Variants in VANGL2 observed in about 807,000 individuals in gnomAD.
VANGL2 encodes the protein VANGL planar cell polarity protein 2.
A neutral mutation model predicts 50.2 loss-of-function variants in VANGL2; 14 were observed. The observed-to-expected ratio is 0.28, with a 90% confidence interval of 0.18 to 0.44. VANGL2 has a LOEUF of 0.44. Among genes scored for constraint, VANGL2 ranks in the 20% least tolerant of loss-of-function variants. VANGL2 has a pLI of 1.00. For missense variants in VANGL2, 533 were observed against 701.5 expected (o/e 0.76, Z 2.71); for synonymous variants, 295 against 297.2 (o/e 0.99, Z 0.08).
chr1:160,424,009 A>T, intron 6 of VANGL2, 43 bp from the exon 7 acceptor site: 1 of 1,608,072 alleles, frequency 6.2e-7, no homozygotes, highest in Non-Finnish European at 8.5e-7. Flanking sequence ...GGGGTGGGGG[A>T]AAGAGAGGTG....
In VANGL2 at chr1:160,416,277, T is replaced by A. The variant is rs1182678590; in HGVS notation, c.192+95T>A. 2.5e-6 allele frequency: 4 copies of A among 1,600,342 alleles called. No individual in the cohort carries two copies. The Admixed American group carries it at 6.7e-5, about 27-fold the overall frequency. The stretch of plus-strand genomic sequence containing the variant: ...CGGAGTGGGGGAGGGCTTGGAAACC[T>A]GGTCTCAGACAGCCATCAGATCGGG... On this transcript the variant is annotated intron_variant, in intron 3 of 7. Coordinates refer to ENST00000368061, the MANE Select transcript of VANGL2 (RefSeq NM_020335.3).
At chr1:160,422,802 TTGAG>T (rs1385186141) in intron 6 of VANGL2, among the ~76,000 whole-genome samples, 1 of 152,198 alleles carries the variant, frequency 6.6e-6, no homozygotes, top group Non-Finnish European at 1.5e-5. Context: ...AGGCATCCTG[TTGAG>T]TGTGTTTGAC....
At chr1:160,421,240 G>A (rs1651264236) in intron 6 of VANGL2, 53 bp downstream of exon 6, 1 of 1,606,278 alleles carries the variant, frequency 6.2e-7, no homozygotes, top group South Asian at 1.1e-5. Context: ...TGAATGGGGA[G>A]AGGAAGACCA....
At chr1:160,410,017 T>C (rs967996245) in intron 1 of VANGL2, among the ~76,000 whole-genome samples, 2 of 152,076 alleles carry the variant, frequency 1.3e-5, no homozygotes, top group African/African-American at 2.4e-5. Context: ...GGCTCCTGAG[T>C]AGGAATCGGA....
chr1:160,413,288 T>TG (rs1182894147), intron 1 of VANGL2, among the ~76,000 whole-genome samples: 1 of 151,874 alleles, frequency 6.6e-6, no homozygotes, highest in Non-Finnish European at 1.5e-5. Context: ...TTTTAGGTTT[T>TG]TTTTTTTTTT....
At chr1:160,406,993 G>A (rs1049242387) in intron 1 of VANGL2, among the ~76,000 whole-genome samples, 10 of 152,176 alleles carry the variant, frequency 6.6e-5, no homozygotes, top group African/African-American at 1.9e-4. Context: ...CTCCCTAAGT[G>A]CTGGGATCAC....
Position 160,419,677 on chromosome 1 carries a change from G to A in VANGL2, c.800+68G>A, listed in dbSNP as rs575837418. ...TGGGAGGATGTGGAGTGACTGCTAG[G>A]GTGGGAGGGTATGATGGTGGGCTGG... On this transcript the variant is annotated intron_variant, in intron 4 of 7. Coordinates refer to ENST00000368061, the MANE Select transcript of VANGL2 (RefSeq NM_020335.3). The surrounding 1 kb of genome is among the most constrained non-coding windows in gnomAD (Gnocchi z 5.8). The A allele has an allele frequency of 2.2e-5, 34 of 1,568,380 alleles. No individual in the cohort carries two copies. Among genetic ancestry groups the A allele is most frequent in the Middle Eastern group, 4.5e-4 (2 of 4,402 alleles).
Position 160,411,038 on chromosome 1 carries a change from C to G in VANGL2, c.-190-4610C>G, listed in dbSNP as rs114653704. On this transcript the variant is annotated intron_variant, in intron 1 of 7. Transcript: ENST00000368061. ...CACATTCCCCCCTGCCAAGCTCCCC[C>G]CCAATCCCCTTGGGATGATACTGAG... is the stretch of plus-strand genomic sequence containing the variant. Among the ~76,000 whole-genome samples, 1,112 of 152,116 alleles carry G rather than the reference C, an allele frequency of 7.3e-3. 17 individuals carry two copies. The highest frequency in any genetic ancestry group is 0.026 in the African/African-American group (1,076 of 41,466).
chr1:160,418,075 C>A (rs907655626), intron 3 of VANGL2, among the ~76,000 whole-genome samples: 6 of 152,134 alleles, frequency 3.9e-5, no homozygotes, highest in Admixed American at 3.3e-4. Context: ...CCACACCCAG[C>A]TAATTTTTTG....
chr1:160,425,119 C>T lies in VANGL2; in HGVS notation c.1307C>T (p.Ala436Val). The change falls in exon 8 of 8, where the codon GCC (alanine) becomes GTC (valine). Residue 436 changes from alanine to valine, a missense_variant and splice_region_variant. Physicochemically the swap from Ala to Val is moderately conservative, Grantham distance 64. Coordinates refer to ENST00000368061, the MANE Select transcript of VANGL2 (RefSeq NM_020335.3). ...FCITHDMTPK[A>V]FLERYLAAGP... is the part of the protein sequence containing the mutation. ...TGCAGCCCCTTCTTTCCACTTCAGG[C>T]CTTCTTGGAGCGATACTTGGCGGCT... 1.9e-6 allele frequency: 3 copies of T among 1,614,008 alleles called. No individual in the cohort carries two copies. The highest frequency in any genetic ancestry group is 2.5e-6 in the Non-Finnish European group (3 of 1,179,952).
intron 6 of VANGL2, among the ~76,000 whole-genome samples, chr1:160,423,702 A>T (rs1332928752): frequency 6.6e-6 from 1 of 152,208 alleles, no homozygotes; most frequent in East Asian, 1.9e-4. Flanking sequence ...TGATGTAATC[A>T]TATCTATTAA....
intron 1 of VANGL2, among the ~76,000 whole-genome samples, chr1:160,414,380 A>T (rs1212691143): frequency 2.6e-5 from 4 of 152,120 alleles, no homozygotes; most frequent in African/African-American, 9.7e-5. Flanking sequence ...CACACATGTG[A>T]TTCCTCTGCT....
At chr1:160,420,939 G>C (rs1181304805) in intron 5 of VANGL2, 113 bp from the exon 6 acceptor site, 25 of 1,491,248 alleles carry the variant, frequency 1.7e-5, no homozygotes, top group Non-Finnish European at 2.2e-5. Context: ...GTATTGCTGG[G>C]TGGTGGGAAC....
At chr1:160,401,801 TGTAA>T (rs1650474254) in intron 1 of VANGL2, among the ~76,000 whole-genome samples, 1 of 151,814 alleles carries the variant, frequency 6.6e-6, no homozygotes, top group Non-Finnish European at 1.5e-5. Context: ...AAGGTGGGTG[TGTAA>T]GAGCAGAATG....
chr1:160,420,162 T>C (rs1651216401), intron 4 of VANGL2, among the ~76,000 whole-genome samples: 1 of 152,086 alleles, frequency 6.6e-6, no homozygotes, highest in Admixed American at 6.5e-5. Context: ...GATCTTTGGC[T>C]GGGGACCCAG....
intron 1 of VANGL2, among the ~76,000 whole-genome samples, chr1:160,404,163 C>T (rs1337294821): frequency 2.0e-5 from 3 of 152,242 alleles, no homozygotes; most frequent in African/African-American, 4.8e-5. Flanking sequence ...TTCCTTTGGC[C>T]GACCACATTA....
At chr1:160,401,316 A>C (rs1650453661) in intron 1 of VANGL2, among the ~76,000 whole-genome samples, 1 of 149,484 alleles carries the variant, frequency 6.7e-6, no homozygotes, top group Non-Finnish European at 1.5e-5. Flanking sequence ...GAGCGTGGGG[A>C]GGGACGGAGG....
At chr1:160,424,581 C>T (rs912562024) in intron 7 of VANGL2, among the ~76,000 whole-genome samples, 1 of 152,220 alleles carries the variant, frequency 6.6e-6, no homozygotes, top group Non-Finnish European at 1.5e-5. Context: ...CCCACTTTCA[C>T]CTCCATTACC....
Position 160,420,950 on chromosome 1 carries a change from A to T in VANGL2, c.938-102A>T. ...GGAGGTATTGCTGGGTGGTGGGAACAGCTTCTTCTGGACATGTCAGGCTGC... is the reference window on the plus strand; with the variant it reads ...GGAGGTATTGCTGGGTGGTGGGAACTGCTTCTTCTGGACATGTCAGGCTGC... On this transcript the variant is annotated intron_variant, in intron 5 of 7. Transcript: ENST00000368061. 1.9e-6 allele frequency: 3 copies of T among 1,545,434 alleles called. No individual in the cohort carries two copies. In the South Asian group the frequency reaches 3.5e-5, roughly 18 times the overall value.
Sources: gnomAD v4.1 joint callset for allele counts (sites outside exome capture counted in the v4.1 genomes callset) on GRCh38, gnomAD v4.1.1 for gene constraint, Gnocchi (gnomAD v3.1) non-coding constraint, MANE v1.5 for transcripts, NCBI Gene and HGNC (gene_info 2026-07-23, HGNC 2026-07-21) for gene names.